The following ANKRD53 variants were observed in gnomAD, a reference collection of about 807,000 sequenced individuals.
ANKRD53 encodes ankyrin repeat domain-containing protein 53.
ANKRD53 carries 27 observed loss-of-function variants against 30.1 expected under a neutral mutation model. The ratio of observed to expected loss-of-function variants is 0.90; its 90% CI spans 0.66 to 1.24. The LOEUF (loss-of-function observed/expected upper bound fraction) is 1.24, where lower values mean the gene tolerates loss of function less well. ANKRD53 is among the 50% of genes most tolerant of loss of function. The probability of loss-of-function intolerance (pLI) is 0.00; values close to 1 mark genes in which losing one functional copy is unlikely to be tolerated. For missense variants in ANKRD53, 682 were observed against 721.0 expected (o/e 0.95, Z 0.62); for synonymous variants, 286 against 295.4 (o/e 0.97, Z 0.33).
intron 5 of ANKRD53, among the ~76,000 whole-genome samples, chr2:70,983,583 A>T (rs782223036): frequency 3.0e-4 from 45 of 152,150 alleles, no homozygotes; most frequent in Non-Finnish European, 5.0e-4. Flanking sequence ...TTTCAGTTCC[A>T]TTTCTCTCCA....
At position 70,979,220 on chromosome 2, in the gene ANKRD53, G is replaced by C; in HGVS notation, c.294G>C (p.Gln98His). 16 of 1,613,416 alleles carry C rather than the reference G, an allele frequency of 9.9e-6. No homozygotes were observed. The highest frequency in any genetic ancestry group is 1.4e-5 in the Non-Finnish European group (16 of 1,180,012). The change falls in exon 2 of 6, where the codon CAG becomes CAC. Residue 98 changes from glutamine to histidine, a missense_variant. Coordinates refer to ENST00000360589, the MANE Select transcript of ANKRD53 (RefSeq NM_001115116.2). ...CCAGCCCCAGCAAGGAGTCCGACCA[G>C]ACGGCAATCGACCAGACGGCGATCG... Reference protein sequence around the residue: ...ADPSPSKESDQTAIDQTAIGS... With the variant: ...ADPSPSKESDHTAIDQTAIGS...
chr2:70,979,439 A>G (rs1553423114), intron 2 of ANKRD53, 96 bp downstream of exon 2: 2 of 1,553,364 alleles, frequency 1.3e-6, no homozygotes, highest in African/African-American at 2.7e-5. Context: ...TTCTGGGTAG[A>G]TCTTCCTAAT....
Position 70,978,778 on chromosome 2 carries a change from A to G in ANKRD53, c.133A>G (p.Lys45Glu). Residue 45 changes from lysine (K) to glutamate (E), a missense_variant, in exon 1 of 6, where the codon AAG (lysine) becomes GAG (glutamate). Lys to Glu is a moderately conservative substitution (Grantham distance 56). Transcript: ENST00000360589. The surrounding 1 kb of genome is among the most constrained non-coding windows in gnomAD (Gnocchi z 4.3). ...GCAGCAGGCGAACAAAGTCTCCTTGAAGGCCACCTGGACTGACGCGGAGTC... is the reference window on the plus strand; with the variant it reads ...GCAGCAGGCGAACAAAGTCTCCTTGGAGGCCACCTGGACTGACGCGGAGTC... ...SMQQANKVSL[K>E]ATWTDAESKQ... The G allele has an allele frequency of 6.4e-7, 1 of 1,572,174 alleles. No homozygotes were observed. Among genetic ancestry groups the G allele is most frequent in the African/African-American group, 1.4e-5 (1 of 74,054 alleles).
At position 70,984,629 on chromosome 2, in the gene ANKRD53, A is replaced by T. The variant is rs1670114812; in HGVS notation, c.922A>T (p.Arg308Ter). ...GTTGCAGAAAGAGCACAAAATTCTC[A>T]GAGAAGCTGCTATCAGAAAGTGGCT... ...IEYQKEHKIL[R>*]EAAIRKWLHG... The change falls in exon 6 of 6, where the codon AGA becomes TGA. Residue 308 changes from arginine (R) to a stop codon, truncating the protein, a stop_gained. Coordinates refer to ENST00000360589, the MANE Select transcript of ANKRD53 (RefSeq NM_001115116.2). LOFTEE classifies it low-confidence loss of function (END_TRUNC). 1.2e-6 allele frequency: 2 copies of T among 1,613,952 alleles called. No individual in the cohort carries two copies. The highest frequency in any genetic ancestry group is 1.3e-5 in the African/African-American group (1 of 74,916).
At chr2:70,981,688 A>G (rs1670013061) in intron 3 of ANKRD53, among the ~76,000 whole-genome samples, 1 of 152,242 alleles carries the variant, frequency 6.6e-6, no homozygotes, top group South Asian at 2.1e-4. Flanking sequence ...GAACCAAGCC[A>G]GCTCTCCTTC....
At chr2:70,983,148 T>C (rs989923678) in intron 5 of ANKRD53, among the ~76,000 whole-genome samples, 14 of 152,156 alleles carry the variant, frequency 9.2e-5, no homozygotes, top group African/African-American at 3.4e-4. Flanking sequence ...CTCAAGGAGC[T>C]TAGAGTCTAG....
At position 70,985,409 on chromosome 2, in the gene ANKRD53, C is replaced by A; in HGVS notation, c.*109C>A. 9.8e-7 allele frequency: 1 copy of A among 1,022,878 alleles called. No homozygotes were observed. Among genetic ancestry groups the A allele is most frequent in the East Asian group, 2.6e-5 (1 of 37,894 alleles). The allele number at this position is 1,022,878 out of a possible 1,614,324, so 63.4% of individuals were successfully genotyped here. ...GGGAGGGGTGCCTATGGGCTTCCCA[C>A]TCCCAAGCTCGAGGAGTCACCCTTC... On this transcript the variant is annotated 3_prime_UTR_variant, in exon 6 of 6. Transcript: ENST00000360589.
At position 70,979,668 on chromosome 2, in the gene ANKRD53, C is replaced by G. The variant is rs782652872; in HGVS notation, c.425C>G (p.Thr142Ser). The G allele has an allele frequency of 1.9e-6, 3 of 1,613,334 alleles. No individual in the cohort carries two copies. The African/African-American group carries it at 4.0e-5, about 22-fold the overall frequency. Residue 142 changes from threonine (T) to serine (S), a missense_variant, in exon 3 of 6, where the codon ACT becomes AGT. By Grantham distance (58) the Thr-to-Ser change is moderately conservative. Coordinates refer to ENST00000360589, the MANE Select transcript of ANKRD53 (RefSeq NM_001115116.2). The part of the protein sequence containing the change: ...REIPTDDKGF[T>S]AIHFAAQWGK... Reference sequence around the variant, plus strand: ...CTGCTCTGAACCTCACAGGGCTTCACTGCCATCCACTTCGCCGCCCAATGG... The same window carrying G: ...CTGCTCTGAACCTCACAGGGCTTCAGTGCCATCCACTTCGCCGCCCAATGG...
chr2:70,979,831 C>T lies in ANKRD53; in HGVS notation c.588C>T (p.Tyr196=). 3 of 1,614,248 alleles carry T rather than the reference C, an allele frequency of 1.9e-6. No homozygotes were observed. Among genetic ancestry groups the T allele is most frequent in the South Asian group, 1.1e-5 (1 of 91,088 alleles). The part of the protein sequence containing the change: ...NTTVALPCIY[Y]LLEKGADLNA... Reference sequence around the variant, plus strand: ...CCGTGGCCCTCCCCTGCATCTACTACCTGCTGGAGAAAGGCGCAGACCTCA... The same window carrying T: ...CCGTGGCCCTCCCCTGCATCTACTATCTGCTGGAGAAAGGCGCAGACCTCA... The change falls in exon 3 of 6, where the codon TAC becomes TAT. Residue 196 remains tyrosine (Y), a synonymous_variant. Coordinates refer to ENST00000360589, the MANE Select transcript of ANKRD53 (RefSeq NM_001115116.2).
Position 70,982,814 on chromosome 2 carries a change from C to CA in ANKRD53, c.903+118dup, listed in dbSNP as rs1670051505. The CA allele has an allele frequency of 7.2e-7, 1 of 1,386,518 alleles. No individual in the cohort carries two copies. Among genetic ancestry groups the CA allele is most frequent in the African/African-American group, 1.4e-5 (1 of 69,696 alleles). The allele number at this position is 1,386,518 out of a possible 1,614,324, so 85.9% of individuals were successfully genotyped here. On this transcript the variant is annotated intron_variant, in intron 5 of 5. Transcript: ENST00000360589. The surrounding 1 kb of genome is among the most constrained non-coding windows in gnomAD (Gnocchi z 4.2). ...AGAAGCACTCCCACCCTGAAAGAGC[C>CA]ACCCTTTCGCCTGTACTCCCACCGG...
chr2:70,983,232 G>C (rs1553424011), intron 5 of ANKRD53, among the ~76,000 whole-genome samples: 1 of 152,234 alleles, frequency 6.6e-6, no homozygotes, highest in Non-Finnish European at 1.5e-5. Flanking sequence ...ATGCTTAAGA[G>C]GAGTCTTGAA....
intron 3 of ANKRD53, 49 bp downstream of exon 3, chr2:70,979,909 A>G: frequency 1.9e-6 from 3 of 1,607,432 alleles, no homozygotes; most frequent in African/African-American, 2.7e-5. Context: ...AGGCACGGGC[A>G]CAGCCCTACT....
intron 3 of ANKRD53, among the ~76,000 whole-genome samples, chr2:70,980,914 C>A (rs1012727226): frequency 9.2e-5 from 14 of 151,938 alleles, no homozygotes; most frequent in Admixed American, 8.5e-4. Context: ...CCACTGCACT[C>A]CAGCCTGGGC....
In ANKRD53 at chr2:70,982,380, A is replaced by G. The variant is rs1307783621; in HGVS notation, c.783-197A>G. On this transcript the variant is annotated intron_variant, in intron 4 of 5. Coordinates refer to ENST00000360589, the MANE Select transcript of ANKRD53 (RefSeq NM_001115116.2). This position sits in a 1 kb window ranked among gnomAD's most constrained non-coding sequence, Gnocchi z 4.2. ...TCAGCAGGAGGGTGGTGACCAGGTC[A>G]TCAAGGACTTTCGTCTTTCACCTAA... 3.7e-6 allele frequency: 3 copies of G among 817,214 alleles called. No individual in the cohort carries two copies. The highest frequency in any genetic ancestry group is 5.4e-5 in the East Asian group (2 of 36,716). 50.6% of individuals were successfully genotyped at this position (817,214 alleles called of 1,614,324 possible). A position where few individuals can be genotyped will look rare whatever the true frequency, so the allele number is the denominator to read the frequency against.
At chr2:70,981,844 G>C (rs1474885490) in intron 3 of ANKRD53, 92 bp from the exon 4 acceptor site, 5 of 1,376,400 alleles carry the variant, frequency 3.6e-6, no homozygotes, top group Middle Eastern at 1.9e-4. Context: ...GGTAGAGCAG[G>C]GCTTGGAAAC....
Position 70,979,855 on chromosome 2 carries a change from C to CA in ANKRD53, c.614dup (p.Asn205LysfsTer17), listed in dbSNP as rs1287586072. The CA allele has an allele frequency of 5.6e-6, 9 of 1,614,106 alleles. No homozygotes were observed. Among genetic ancestry groups the CA allele is most frequent in the Non-Finnish European group, 7.6e-6 (9 of 1,180,048 alleles). On this transcript the variant is annotated frameshift_variant, in exon 3 of 6. Coordinates refer to ENST00000360589, the MANE Select transcript of ANKRD53 (RefSeq NM_001115116.2). LOFTEE classifies it high-confidence loss of function. ...ACCTGCTGGAGAAAGGCGCAGACCT[C>CA]AATGCGTGAGTCCAGCCTGCTTCAG... is the stretch of plus-strand genomic sequence containing the variant.
chr2:70,985,315 C>T lies in ANKRD53; in HGVS notation c.*15C>T, dbSNP rs1553424702. On this transcript the variant is annotated 3_prime_UTR_variant, in exon 6 of 6. Transcript: ENST00000360589. ...CCAACCCATAAAGTTATTATGGCTA[C>T]CTCTCCCCCTGAGGCAGCCCAGTGA... The T allele has an allele frequency of 6.8e-7, 1 of 1,468,642 alleles. No homozygotes were observed. Among genetic ancestry groups the T allele is most frequent in the East Asian group, 2.7e-5 (1 of 36,992 alleles). 91.0% of individuals were successfully genotyped at this position (1,468,642 alleles called of 1,614,324 possible).
At position 70,982,172 on chromosome 2, in the gene ANKRD53, A is replaced by C; in HGVS notation, c.782+72A>C. The C allele has an allele frequency of 1.6e-5, 23 of 1,468,834 alleles. No homozygotes were observed. Among genetic ancestry groups the C allele is most frequent in the Non-Finnish European group, 1.9e-5 (21 of 1,092,484 alleles). The allele number at this position is 1,468,834 out of a possible 1,614,324, so 91.0% of individuals were successfully genotyped here. Reference sequence around the variant, plus strand: ...CCCCAGCCTTTTCCCTAGGGCCCTCACCACAGCTGAGCCTTTAAGGGGAGG... The same window carrying C: ...CCCCAGCCTTTTCCCTAGGGCCCTCCCCACAGCTGAGCCTTTAAGGGGAGG... On this transcript the variant is annotated intron_variant, in intron 4 of 5. Coordinates refer to ENST00000360589, the MANE Select transcript of ANKRD53 (RefSeq NM_001115116.2). The surrounding 1 kb of genome is among the most constrained non-coding windows in gnomAD (Gnocchi z 4.2).
intron 5 of ANKRD53, chr2:70,983,994 T>G (rs1277283136): frequency 1.9e-5 from 15 of 800,146 alleles, no homozygotes; most frequent in South Asian, 1.7e-4. Flanking sequence ...CAGAGCTAGA[T>G]TGAGTTGCTG....
Sources: gnomAD v4.1 joint callset for allele counts (sites outside exome capture counted in the v4.1 genomes callset) on GRCh38, gnomAD v4.1.1 for gene constraint, Gnocchi (gnomAD v3.1) non-coding constraint, MANE v1.5 for transcripts, NCBI Gene and HGNC (gene_info 2026-07-23, HGNC 2026-07-21) for gene names.